The following RIT2 variants were observed in gnomAD, a reference collection of about 807,000 sequenced individuals.
RIT2 encodes the protein GTP-binding protein Rit2.
Under a neutral mutation model 23.7 loss-of-function variants are expected in RIT2, and 24 were observed. That is an observed-to-expected ratio of 1.01 (90% CI 0.73 to 1.43). The LOEUF (loss-of-function observed/expected upper bound fraction) is 1.43. Ranked by LOEUF, RIT2 falls within the 40% of genes most tolerant of loss-of-function variation. The pLI is 0.00. For synonymous variants in RIT2, 107 were observed against 91.1 expected (o/e 1.17, Z -0.99); for missense variants, 236 against 266.9 (o/e 0.88, Z 0.81).
chr18:43,054,952 TG>T (rs1388465720), intron 1 of RIT2, among the ~76,000 whole-genome samples: 1 of 152,098 alleles, frequency 6.6e-6, no homozygotes, highest in Non-Finnish European at 1.5e-5. Context: ...CACCTACACT[TG>T]AGTTTTCAAT....
Position 42,955,429 on chromosome 18 carries a change from C to T in RIT2, c.234+18645G>A, listed in dbSNP as rs16977149. On this transcript the variant is annotated intron_variant, in intron 3 of 4. Transcript: ENST00000326695. The stretch of plus-strand genomic sequence containing the variant: ...CAGTGGTTTGATTATGAACTGGCCT[C>T]GCTTTGGTGTTTAAGATGCCCCAAC... Among the ~76,000 whole-genome samples the T allele has an allele frequency of 5.4e-3, 816 of 152,244 alleles. 16 individuals carry two copies. The highest frequency in any genetic ancestry group is 0.019 in the African/African-American group (770 of 41,554).
intron 1 of RIT2, among the ~76,000 whole-genome samples, chr18:43,045,891 C>G (rs1912236318): frequency 6.6e-6 from 1 of 152,142 alleles, no homozygotes; most frequent in African/African-American, 2.4e-5. Flanking sequence ...AAAAGGCACA[C>G]TCTTTCATGG....
intron 4 of RIT2, among the ~76,000 whole-genome samples, chr18:42,906,662 G>A (rs181039449): frequency 2.7e-4 from 41 of 152,142 alleles, no homozygotes; most frequent in South Asian, 1.9e-3. Flanking sequence ...GATTATTTTC[G>A]TTTTTGGAGC....
At chr18:43,052,438 C>T (rs555531715) in intron 1 of RIT2, among the ~76,000 whole-genome samples, 6 of 151,980 alleles carry the variant, frequency 3.9e-5, no homozygotes, top group Non-Finnish European at 7.4e-5. Flanking sequence ...TGAATATTTC[C>T]TAACTCTATC....
chr18:42,911,051 T>C (rs893340486), intron 4 of RIT2, among the ~76,000 whole-genome samples: 2 of 151,766 alleles, frequency 1.3e-5, no homozygotes, highest in Non-Finnish European at 2.9e-5. Flanking sequence ...TAAAACAAAC[T>C]TTAACAAATA....
chr18:42,940,501 T>C (rs1909576016), intron 3 of RIT2, among the ~76,000 whole-genome samples: 1 of 151,588 alleles, frequency 6.6e-6, no homozygotes, highest in Non-Finnish European at 1.5e-5. Context: ...TATCACACCG[T>C]ATGGCTGGCT....
chr18:42,779,844 A>G (rs1913764359), intron 4 of RIT2, among the ~76,000 whole-genome samples: 1 of 152,114 alleles, frequency 6.6e-6, no homozygotes, highest in South Asian at 2.1e-4. Flanking sequence ...TGACTTTGCC[A>G]CTAACTGCTC....
At position 43,104,351 on chromosome 18, in the gene RIT2, G is replaced by T. The variant is rs563632115; in HGVS notation, c.103+11066C>A. On this transcript the variant is annotated intron_variant, in intron 1 of 4. Coordinates refer to ENST00000326695, the MANE Select transcript of RIT2 (RefSeq NM_002930.4). ...AGCTAGATGGGAGGAATGAGTTCTG[G>T]TGTTCCACAGCGCTATATAATGAAT... is the stretch of plus-strand genomic sequence containing the variant. Among the ~76,000 whole-genome samples, 5 of 152,240 alleles carry T rather than the reference G, an allele frequency of 3.3e-5. No homozygotes were observed. In the South Asian group the frequency reaches 1.0e-3, roughly 32 times the overall value.
Position 42,743,629 on chromosome 18 carries a change from G to T in RIT2, c.518C>A (p.Ala173Asp). Residue 173 changes from alanine (A) to aspartate (D), a missense_variant, in exon 5 of 5, where the codon GCT (alanine) becomes GAT (aspartate). Coordinates refer to ENST00000326695, the MANE Select transcript of RIT2 (RefSeq NM_002930.4). The part of the protein sequence containing the change: ...SAALRFCIDD[A>D]FHGLVREIRK... ...AATTTCCCTCACTAAGCCATGAAAAGCATCATCAATACAGAATCTGAGGGC... is the reference window on the plus strand; with the variant it reads ...AATTTCCCTCACTAAGCCATGAAAATCATCATCAATACAGAATCTGAGGGC... 2 of 1,613,978 alleles carry T rather than the reference G, an allele frequency of 1.2e-6. No homozygotes were observed. The highest frequency in any genetic ancestry group is 1.7e-6 in the Non-Finnish European group (2 of 1,179,950).
chr18:42,781,871 C>T (rs962018221), intron 4 of RIT2, among the ~76,000 whole-genome samples: 2 of 152,142 alleles, frequency 1.3e-5, no homozygotes, highest in Admixed American at 6.6e-5. Context: ...AAATGACAGG[C>T]ATTTGCCATT....
chr18:43,072,098 G>A (rs999957334), intron 1 of RIT2, among the ~76,000 whole-genome samples: 9 of 152,016 alleles, frequency 5.9e-5, no homozygotes, highest in African/African-American at 2.2e-4. Context: ...GGAATCTCCT[G>A]CCTCAGCCTC....
chr18:43,086,897 C>A (rs1381489187), intron 1 of RIT2, among the ~76,000 whole-genome samples: 1 of 152,162 alleles, frequency 6.6e-6, no homozygotes, highest in Admixed American at 6.5e-5. Context: ...TCCTGCAGGA[C>A]AGTGACTATG....
At chr18:43,080,741 G>A (rs1169200772) in intron 1 of RIT2, among the ~76,000 whole-genome samples, 4 of 152,276 alleles carry the variant, frequency 2.6e-5, no homozygotes, top group Non-Finnish European at 5.9e-5. Flanking sequence ...TACTGCAGAA[G>A]ACACCAAATC....
At chr18:43,096,050 T>C (rs1211331265) in intron 1 of RIT2, among the ~76,000 whole-genome samples, 2 of 151,858 alleles carry the variant, frequency 1.3e-5, no homozygotes, top group African/African-American at 4.8e-5. Flanking sequence ...ATAGCACATG[T>C]TCAAGAAGCA....
intron 1 of RIT2, among the ~76,000 whole-genome samples, chr18:43,037,320 T>A (rs1287004156): frequency 6.6e-6 from 1 of 152,202 alleles, no homozygotes; most frequent in East Asian, 1.9e-4. Context: ...ATTGTGGCTT[T>A]TATTATTTAA....
intron 4 of RIT2, among the ~76,000 whole-genome samples, chr18:42,807,400 T>G (rs1465496191): frequency 6.6e-6 from 1 of 152,170 alleles, no homozygotes; most frequent in African/African-American, 2.4e-5. Context: ...GCGGATCACC[T>G]GAGGTCAGGA....
rs202126735 is a variant in RIT2, at chr18:42,911,060, T to TA, written c.426+12511dup. Among the ~76,000 whole-genome samples, 34 of 150,644 alleles carry TA rather than the reference T, an allele frequency of 2.3e-4. 1 individual carries two copies. The East Asian group carries it at 2.7e-3, about 12-fold the overall frequency. On this transcript the variant is annotated intron_variant, in intron 4 of 4. Transcript: ENST00000326695. ...TGGTAATAAAACAAACTTTAACAAA[T>TA]AAAAAAAAATCACACAGAGTATGAT...
At chr18:43,040,950 G>T (rs1460632541) in intron 1 of RIT2, among the ~76,000 whole-genome samples, 2 of 152,020 alleles carry the variant, frequency 1.3e-5, no homozygotes, top group Non-Finnish European at 2.9e-5. Context: ...AATATTAACA[G>T]AAATTATTAT....
chr18:43,033,377 T>G (rs1911902295), intron 2 of RIT2, among the ~76,000 whole-genome samples: 1 of 152,138 alleles, frequency 6.6e-6, no homozygotes, highest in South Asian at 2.1e-4. Flanking sequence ...TATGTCTATA[T>G]CTAACGTTCC....
Sources: allele counts gnomAD v4.1 joint callset (sites outside exome capture counted in the v4.1 genomes callset), GRCh38; gene constraint gnomAD v4.1.1; transcripts MANE v1.5; gene names NCBI Gene and HGNC (gene_info 2026-07-23, HGNC 2026-07-21).